Variants in EXOC4 observed in about 807,000 individuals in gnomAD.
EXOC4 encodes exocyst complex component 4.
EXOC4 carries 71 observed loss-of-function variants against 107.2 expected under a neutral mutation model. The observed-to-expected ratio is 0.66, with a 90% CI of 0.55 to 0.81. EXOC4 has a LOEUF of 0.81. EXOC4 is among the 30% of genes least tolerant of loss of function. The pLI is 0.00. For synonymous variants in EXOC4, 456 were observed against 441.2 expected (o/e 1.03, Z -0.42); for missense variants, 1,108 against 1,189.6 (o/e 0.93, Z 1.01).
the EXOC4 span, among the ~76,000 whole-genome samples, chr7:134,086,960 G>A: frequency 2.1e-3 from 316 of 152,234 alleles, 1 homozygote; most frequent in African/African-American, 7.2e-3. Flanking sequence ...CAGTGAGGAC[G>A]ACCAGAAGTC....
At chr7:133,385,953 A>G (rs1033293320) in intron 7 of EXOC4, among the ~76,000 whole-genome samples, 23 of 152,214 alleles carry the variant, frequency 1.5e-4, no homozygotes, top group Admixed American at 3.3e-4. Flanking sequence ...TTGTATATAT[A>G]GAAGTGTGTT....
intron 7 of EXOC4, among the ~76,000 whole-genome samples, chr7:133,470,545 A>G (rs1190839254): frequency 2.0e-5 from 3 of 152,194 alleles, no homozygotes; most frequent in South Asian, 4.1e-4. Flanking sequence ...TGATGATATC[A>G]CTGGAATATG....
At chr7:134,002,717 C>T (rs1794558184) in intron 15 of EXOC4, among the ~76,000 whole-genome samples, 1 of 152,248 alleles carries the variant, frequency 6.6e-6, no homozygotes, top group East Asian at 1.9e-4. Flanking sequence ...TGAGAATATG[C>T]TCAACATCAT....
At position 133,630,139 on chromosome 7, in the gene EXOC4, A is replaced by G. The variant is rs1802554748; in HGVS notation, c.1512A>G (p.Leu504=). Residue 504 remains leucine, a splice_region_variant and synonymous_variant, in exon 10 of 18, where the codon CTA becomes CTG. Coordinates refer to ENST00000253861, the MANE Select transcript of EXOC4 (RefSeq NM_021807.4). ...TTACCGTCATATTCCACCCATTACT[A>G]AGGTAAGTCAAGTGCTATGATATAC... is the stretch of plus-strand genomic sequence containing the variant. ...RNITVIFHPL[L]RFIQEIEHAL... 5 of 1,607,230 alleles carry G rather than the reference A, an allele frequency of 3.1e-6. No individual in the cohort carries two copies. The highest frequency in any genetic ancestry group is 3.4e-6 in the Non-Finnish European group (4 of 1,173,836).
intron 10 of EXOC4, among the ~76,000 whole-genome samples, chr7:133,664,704 A>G (rs917385559): frequency 6.6e-6 from 1 of 152,176 alleles, no homozygotes. Flanking sequence ...CTGAAGATAA[A>G]TCTATGCAGA....
intron 9 of EXOC4, among the ~76,000 whole-genome samples, chr7:133,482,574 C>G (rs1247101367): frequency 6.6e-6 from 1 of 152,080 alleles, no homozygotes; most frequent in Non-Finnish European, 1.5e-5. Flanking sequence ...GAGTAGGTGG[C>G]TCTGGGCCCA....
At chr7:133,737,657 C>T (rs777749591) in intron 10 of EXOC4, among the ~76,000 whole-genome samples, 3 of 151,968 alleles carry the variant, frequency 2.0e-5, no homozygotes, top group Non-Finnish European at 2.9e-5. Context: ...TGACATCCTG[C>T]GACCTTTGTG....
intron 10 of EXOC4, among the ~76,000 whole-genome samples, chr7:133,760,267 A>T (rs954312150): frequency 6.6e-6 from 1 of 152,188 alleles, no homozygotes; most frequent in Admixed American, 6.5e-5. Context: ...TTTTGAATGT[A>T]GTGTTTATGT....
intron 5 of EXOC4, among the ~76,000 whole-genome samples, chr7:133,352,625 A>T (rs376730910): frequency 6.6e-6 from 1 of 151,850 alleles, no homozygotes; most frequent in East Asian, 1.9e-4. Flanking sequence ...GGACAGTTTA[A>T]CCCATTTACA....
chr7:133,679,534 G>GTCCATCCA (rs1384204420), intron 10 of EXOC4, among the ~76,000 whole-genome samples: 170 of 143,860 alleles, frequency 1.2e-3, no homozygotes, highest in African/African-American at 3.9e-3. Context: ...CCATCCATCC[G>GTCCATCCA]TCCGTCCGTC....
intron 12 of EXOC4, among the ~76,000 whole-genome samples, chr7:133,908,378 T>G (rs1420677900): frequency 6.6e-6 from 1 of 152,194 alleles, no homozygotes; most frequent in East Asian, 1.9e-4. Context: ...AAAGTGGTAG[T>G]GCACATGTGA....
chr7:133,601,677 C>T lies in EXOC4; in HGVS notation c.1418-28368C>T, dbSNP rs558617270. On this transcript the variant is annotated intron_variant, in intron 9 of 17. Coordinates refer to ENST00000253861, the MANE Select transcript of EXOC4 (RefSeq NM_021807.4). The stretch of plus-strand genomic sequence containing the variant: ...GACAGGATGGGCTAGCAGTTTCTGC[C>T]TTCCTTCTCTTTCCTCCATCATGAC... Among the ~76,000 whole-genome samples the T allele has an allele frequency of 7.2e-5, 11 of 152,330 alleles. No individual in the cohort carries two copies. In the South Asian group the frequency reaches 2.3e-3, roughly 32 times the overall value.
At chr7:133,941,096 C>T (rs1298896628) in intron 14 of EXOC4, among the ~76,000 whole-genome samples, 1 of 151,484 alleles carries the variant, frequency 6.6e-6, no homozygotes, top group East Asian at 1.9e-4. Flanking sequence ...TTCCCAGGTT[C>T]AAGCGATTCT....
At chr7:133,991,630 A>G (rs1794263135) in intron 14 of EXOC4, among the ~76,000 whole-genome samples, 1 of 152,158 alleles carries the variant, frequency 6.6e-6, no homozygotes, top group African/African-American at 2.4e-5. Flanking sequence ...CTTTTTTAAT[A>G]AGTTAAAAAA....
chr7:133,927,158 G>A (rs1395081161), intron 13 of EXOC4, among the ~76,000 whole-genome samples: 6 of 151,430 alleles, frequency 4.0e-5, no homozygotes. Context: ...AAATGGGGAG[G>A]CCTCAGCCTT....
chr7:133,438,524 A>G (rs912277105), intron 7 of EXOC4, among the ~76,000 whole-genome samples: 1 of 152,122 alleles, frequency 6.6e-6, no homozygotes, highest in African/African-American at 2.4e-5. Context: ...TCAAGCTTTA[A>G]TAGCCATGAG....
At chr7:133,528,451 A>G (rs1005399897) in intron 9 of EXOC4, among the ~76,000 whole-genome samples, 1 of 152,160 alleles carries the variant, frequency 6.6e-6, no homozygotes, top group African/African-American at 2.4e-5. Flanking sequence ...GATAGGAGCT[A>G]TAGAGATCTA....
intron 3 of EXOC4, among the ~76,000 whole-genome samples, chr7:133,305,431 G>A (rs1787192454): frequency 6.6e-6 from 1 of 152,182 alleles, no homozygotes. Flanking sequence ...TAAGCACAAA[G>A]AGTCATGATT....
chr7:133,537,613 T>C (rs1800298608), intron 9 of EXOC4, among the ~76,000 whole-genome samples: 1 of 152,224 alleles, frequency 6.6e-6, no homozygotes, highest in South Asian at 2.1e-4. Flanking sequence ...TGTTTTCTCC[T>C]GAACTACCCA....
Sources: gnomAD v4.1 joint callset for allele counts (sites outside exome capture counted in the v4.1 genomes callset) on GRCh38, gnomAD v4.1.1 for gene constraint, MANE v1.5 for transcripts, NCBI Gene and HGNC (gene_info 2026-07-23, HGNC 2026-07-21) for gene names.